USP5: variants seen among roughly 807,000 people sequenced by gnomAD.
The protein encoded by USP5 is ubiquitin specific peptidase 5.
In USP5, 24 loss-of-function variants were observed where a neutral mutation model predicts 102.5. The ratio of observed to expected loss-of-function variants is 0.23; its 90% CI spans 0.17 to 0.33. The LOEUF is 0.33. USP5 is among the 10% of genes least tolerant of loss of function. USP5 has a pLI of 1.00. For synonymous variants in USP5, 460 were observed against 434.8 expected (o/e 1.06, Z -0.72); for missense variants, 753 against 1,122.1 (o/e 0.67, Z 4.70).
intron 13 of USP5, among the ~76,000 whole-genome samples, chr12:6,862,010 T>G (rs782505578): frequency 6.6e-6 from 1 of 152,076 alleles, no homozygotes; most frequent in East Asian, 1.9e-4. Context: ...AAAAAGGGCT[T>G]TGGTCTCGGG....
intron 13 of USP5, among the ~76,000 whole-genome samples, chr12:6,862,172 C>T (rs369587053): frequency 7.9e-5 from 12 of 151,960 alleles, no homozygotes; most frequent in African/African-American, 2.9e-4. Flanking sequence ...CTCTTAACTC[C>T]TGGGCTCAAG....
Position 6,856,721 on chromosome 12 carries a change from C to T in USP5, c.599C>T (p.Ser200Phe), listed in dbSNP as rs1944125089. 6.2e-7 allele frequency: 1 copy of T among 1,613,942 alleles called. No individual in the cohort carries two copies. Among genetic ancestry groups the T allele is most frequent in the South Asian group, 1.1e-5 (1 of 91,078 alleles). The change falls in exon 6 of 20, where the codon TCC (serine) becomes TTC (phenylalanine). Residue 200 changes from serine (S) to phenylalanine (F), a missense_variant. Ser to Phe is a radical substitution (Grantham distance 155). Coordinates refer to ENST00000229268, the MANE Select transcript of USP5 (RefSeq NM_001098536.2). This position sits in a 1 kb window ranked among gnomAD's most constrained non-coding sequence, Gnocchi z 5.6. ...CTGTGGGTTAGTGGCTGGAAGTGCT[C>T]CAAGTGTGACATGAGAGAGAACCTG... ...ARIPPCGWKC[S>F]KCDMRENLWL...
chr12:6,852,383 C>G, intron 1 of USP5, 93 bp downstream of exon 1: 1 of 1,248,584 alleles, frequency 8.0e-7, no homozygotes, highest in Non-Finnish European at 1.1e-6. Flanking sequence ...CTACCGCCTC[C>G]CTGCGATGCA....
At position 6,863,907 on chromosome 12, in the gene USP5, T is replaced by A; in HGVS notation, c.2032T>A (p.Tyr678Asn). Residue 678 changes from tyrosine (Y) to asparagine (N), a missense_variant, in exon 16 of 20, where the codon TAC becomes AAC. By Grantham distance (143) the Tyr-to-Asn change is moderately radical. Around this residue, in one of 3 missense-constraint regions of USP5, gnomAD observed 193 missense variants for 230.2 expected, o/e 0.84. Coordinates refer to ENST00000229268, the MANE Select transcript of USP5 (RefSeq NM_001098536.2). The surrounding 1 kb of genome is among the most constrained non-coding windows in gnomAD (Gnocchi z 4.7). Reference sequence around the variant, plus strand: ...TATGGACGCCTGCCGCAAAGCTGTCTACTACACGGGCAACAGCGGGGCTGA... The same window carrying A: ...TATGGACGCCTGCCGCAAAGCTGTCAACTACACGGGCAACAGCGGGGCTGA... ...FPMDACRKAVYYTGNSGAEAA... is the reference protein window; with the variant it reads ...FPMDACRKAVNYTGNSGAEAA... 6.2e-7 allele frequency: 1 copy of A among 1,612,166 alleles called. No homozygotes were observed. Among genetic ancestry groups the A allele is most frequent in the Non-Finnish European group, 8.5e-7 (1 of 1,178,754 alleles).
intron 9 of USP5, among the ~76,000 whole-genome samples, chr12:6,859,809 C>T (rs1277339516): frequency 5.9e-5 from 9 of 152,278 alleles, no homozygotes; most frequent in African/African-American, 1.4e-4. Context: ...CATGCCACCA[C>T]GCCCAGCTAA....
In USP5 at chr12:6,864,705, C is replaced by A; in HGVS notation, c.2245-17C>A. The stretch of plus-strand genomic sequence containing the variant: ...CTCCGTCTCAAGAAAAAAAGTAATG[C>A]TTCCTTCCTCTCCAAGAACAATAGT... On this transcript the variant is annotated splice_polypyrimidine_tract_variant and intron_variant, in intron 17 of 19. Transcript: ENST00000229268. This position sits in a 1 kb window ranked among gnomAD's most constrained non-coding sequence, Gnocchi z 4.8. 6.3e-7 allele frequency: 1 copy of A among 1,598,462 alleles called. No individual in the cohort carries two copies. Among genetic ancestry groups the A allele is most frequent in the Middle Eastern group, 1.7e-4 (1 of 6,036 alleles).
chr12:6,862,954 C>T (rs1944320693), intron 14 of USP5, among the ~76,000 whole-genome samples: 1 of 152,166 alleles, frequency 6.6e-6, no homozygotes, highest in Non-Finnish European at 1.5e-5. Flanking sequence ...AAGTTCTAGG[C>T]CCCCTGCCCT....
chr12:6,864,688 CAA>C lies in USP5; in HGVS notation c.2245-33_2245-32del, dbSNP rs1257046883. The C allele has an allele frequency of 6.3e-7, 1 of 1,587,816 alleles. No homozygotes were observed. Among genetic ancestry groups the C allele is most frequent in the Non-Finnish European group, 8.5e-7 (1 of 1,170,824 alleles). Reference sequence around the variant, plus strand: ...TGGGCGACAGAGCAAGACTCCGTCTCAAGAAAAAAAGTAATGCTTCCTTCCTC... The same window carrying C: ...TGGGCGACAGAGCAAGACTCCGTCTCGAAAAAAAGTAATGCTTCCTTCCTC... On this transcript the variant is annotated intron_variant, in intron 17 of 19. Coordinates refer to ENST00000229268, the MANE Select transcript of USP5 (RefSeq NM_001098536.2). This position sits in a 1 kb window ranked among gnomAD's most constrained non-coding sequence, Gnocchi z 4.8.
Position 6,860,296 on chromosome 12 carries a change from G to A in USP5, c.1218+58G>A. On this transcript the variant is annotated intron_variant, in intron 10 of 19. Coordinates refer to ENST00000229268, the MANE Select transcript of USP5 (RefSeq NM_001098536.2). The surrounding 1 kb of genome is among the most constrained non-coding windows in gnomAD (Gnocchi z 5.5). ...GGGATTGTGGGGAAGCTGAGGTCTG[G>A]GAGATGTCTAAAGAAGGCCCCTGGA... 1 of 1,612,550 alleles carries A rather than the reference G, an allele frequency of 6.2e-7. No homozygotes were observed. Among genetic ancestry groups the A allele is most frequent in the Non-Finnish European group, 8.5e-7 (1 of 1,178,858 alleles).
rs1943931670 is a variant in USP5, at chr12:6,852,283, A to T, written c.104A>T (p.Asp35Val). ...VHKDECAFSF[D>V]TPESEGGLYI... is the part of the protein sequence containing the mutation. ...AAAGACGAGTGCGCCTTCTCCTTCG[A>T]CACGCCGGTAAGCCCATTCCCCACG... is the stretch of plus-strand genomic sequence containing the variant. The change falls in exon 1 of 20, where the codon GAC becomes GTC. Residue 35 changes from aspartate (D) to valine (V), a missense_variant. Around this residue, in one of 3 missense-constraint regions of USP5, gnomAD observed 527 missense variants for 816.5 expected, o/e 0.65. Coordinates refer to ENST00000229268, the MANE Select transcript of USP5 (RefSeq NM_001098536.2). 1.2e-6 allele frequency: 2 copies of T among 1,608,896 alleles called. No individual in the cohort carries two copies. The highest frequency in any genetic ancestry group is 1.7e-6 in the Non-Finnish European group (2 of 1,177,912).
chr12:6,861,718 A>C lies in USP5; in HGVS notation c.1673+101A>C. On this transcript the variant is annotated intron_variant, in intron 13 of 19. Transcript: ENST00000229268. This position sits in a 1 kb window ranked among gnomAD's most constrained non-coding sequence, Gnocchi z 4.9. ...TGTTCTTTCATCCCTTTGTGGTTGG[A>C]ACCTCAGGGTTGAATCAGTTGGGCT... 7.7e-7 allele frequency: 1 copy of C among 1,296,912 alleles called. No individual in the cohort carries two copies. The highest frequency in any genetic ancestry group is 1.0e-6 in the Non-Finnish European group (1 of 1,001,658). The allele number at this position is 1,296,912 out of a possible 1,614,324, so 80.3% of individuals were successfully genotyped here.
Position 6,856,667 on chromosome 12 carries a change from C to G in USP5, c.585-40C>G. 6.2e-7 allele frequency: 1 copy of G among 1,608,516 alleles called. No homozygotes were observed. Among genetic ancestry groups the G allele is most frequent in the Non-Finnish European group, 8.5e-7 (1 of 1,177,530 alleles). ...CTCTCTCTGCCACTCCCTCAAATCC[C>G]CGACCCACATTTCTGCTGATTCTCT... On this transcript the variant is annotated intron_variant, in intron 5 of 19. Transcript: ENST00000229268. The surrounding 1 kb of genome is among the most constrained non-coding windows in gnomAD (Gnocchi z 5.6).
At position 6,855,317 on chromosome 12, in the gene USP5, GT is replaced by G. The variant is rs1327954600; in HGVS notation, c.112-81del. On this transcript the variant is annotated intron_variant, in intron 1 of 19. Coordinates refer to ENST00000229268, the MANE Select transcript of USP5 (RefSeq NM_001098536.2). This position sits in a 1 kb window ranked among gnomAD's most constrained non-coding sequence, Gnocchi z 4.6. ...AGAACATTTCTTCTGGAACCCAGCA[GT>G]TTCTGACTCCAGGTTTTGGTTTCCT... The G allele has an allele frequency of 2.5e-5, 39 of 1,564,530 alleles. No individual in the cohort carries two copies. In the African/African-American group the frequency reaches 4.8e-4, roughly 19 times the overall value.
intron 8 of USP5, 31 bp from the exon 9 acceptor site, chr12:6,859,439 C>G: frequency 6.2e-7 from 1 of 1,610,294 alleles, no homozygotes; most frequent in South Asian, 1.1e-5. Flanking sequence ...CAGGCCAGAG[C>G]CCCTCCAACT....
chr12:6,860,992 C>T lies in USP5; in HGVS notation c.1384C>T (p.Arg462Cys). 2.5e-6 allele frequency: 4 copies of T among 1,614,156 alleles called. No individual in the cohort carries two copies. Among genetic ancestry groups the T allele is most frequent in the Non-Finnish European group, 3.4e-6 (4 of 1,180,030 alleles). ...RSSENPNEVF[R>C]FLVEEKIKCL... ...CTCTGAAAATCCTAATGAAGTGTTC[C>T]GCTTCTTGGTGGAGGAAAAGATCAA... Residue 462 changes from arginine (R) to cysteine (C), a missense_variant, in exon 12 of 20, where the codon CGC (arginine) becomes TGC (cysteine). This residue lies in a region of USP5 where 527 missense variants were observed against 816.5 expected (regional missense o/e 0.65). Coordinates refer to ENST00000229268, the MANE Select transcript of USP5 (RefSeq NM_001098536.2). The surrounding 1 kb of genome is among the most constrained non-coding windows in gnomAD (Gnocchi z 5.5).
chr12:6,852,275 C>T lies in USP5; in HGVS notation c.96C>T (p.Phe32=), dbSNP rs1331020086. ...GDRVHKDECA[F]SFDTPESEGG... ...GGGTCCACAAAGACGAGTGCGCCTT[C>T]TCCTTCGACACGCCGGTAAGCCCAT... The change falls in exon 1 of 20, where the codon TTC becomes TTT. Residue 32 remains phenylalanine (F), a synonymous_variant. Coordinates refer to ENST00000229268, the MANE Select transcript of USP5 (RefSeq NM_001098536.2). 8.1e-6 allele frequency: 13 copies of T among 1,610,908 alleles called. No homozygotes were observed. The highest frequency in any genetic ancestry group is 1.1e-5 in the Non-Finnish European group (13 of 1,178,762).
intron 19 of USP5, among the ~76,000 whole-genome samples, 175 bp downstream of exon 19, chr12:6,865,423 G>A (rs1436271712): frequency 6.6e-6 from 1 of 152,104 alleles, no homozygotes; most frequent in Non-Finnish European, 1.5e-5. Flanking sequence ...GGTTGGATCT[G>A]GCCACCAGCT....
intron 1 of USP5, among the ~76,000 whole-genome samples, chr12:6,853,601 G>T (rs995580808): frequency 6.6e-6 from 1 of 152,188 alleles, no homozygotes; most frequent in Non-Finnish European, 1.5e-5. Flanking sequence ...AAGTCAGTGG[G>T]TCCCTCTTTA....
At position 6,863,352 on chromosome 12, in the gene USP5, C is replaced by T. The variant is rs1555129982; in HGVS notation, c.1929C>T (p.Cys643=). The T allele has an allele frequency of 3.1e-6, 5 of 1,613,506 alleles. No individual in the cohort carries two copies. Among genetic ancestry groups the T allele is most frequent in the Admixed American group, 1.7e-5 (1 of 60,008 alleles). The stretch of plus-strand genomic sequence containing the variant: ...GCAACGAAGACGAAGACTCCTTCTG[C>T]TCCCCTCACTTCTCCTCTCCGACAT... ...FYGNEDEDSF[C]SPHFSSPTSP... Residue 643 remains cysteine, a synonymous_variant, in exon 15 of 20, where the codon TGC becomes TGT. Transcript: ENST00000229268. This position sits in a 1 kb window ranked among gnomAD's most constrained non-coding sequence, Gnocchi z 4.7.
Sources: gnomAD v4.1 joint callset for allele counts (sites outside exome capture counted in the v4.1 genomes callset) on GRCh38, gnomAD v4.1.1 for gene constraint, gnomAD v4.1.1 regional missense constraint, Gnocchi (gnomAD v3.1) non-coding constraint, MANE v1.5 for transcripts, NCBI Gene and HGNC (gene_info 2026-07-23, HGNC 2026-07-21) for gene names.